The following TRPM5 variants were observed in gnomAD, a reference collection of about 807,000 sequenced individuals.
TRPM5 encodes MLSN1 and TRP-related.
TRPM5 carries 121 observed loss-of-function variants against 124.9 expected under a neutral mutation model. That is an observed-to-expected ratio of 0.97 (90% CI 0.84 to 1.13). TRPM5 has a LOEUF of 1.13. Ranked by LOEUF, TRPM5 falls within the 50% of genes most tolerant of loss-of-function variation. TRPM5 has a pLI of 0.00. For synonymous variants in TRPM5, 781 were observed against 700.5 expected (o/e 1.11, Z -1.81); for missense variants, 1,643 against 1,589.1 (o/e 1.03, Z -0.58).
At chr11:2,432,869 C>T in the TRPM5 span, among the ~76,000 whole-genome samples, 1 of 152,192 alleles carries the variant, frequency 6.6e-6, no homozygotes, top group Non-Finnish European at 1.5e-5. Flanking sequence ...ATGGTGGGGG[C>T]GTCAGGTCTG....
exon 6 of TRPM5, chr11:2,418,174 G>C (rs1798962058): frequency 6.4e-7 from 1 of 1,569,858 alleles, no homozygotes; most frequent in Non-Finnish European, 8.7e-7. Flanking sequence ...TACCAGCTTG[G>C]TCCAGCGCAC....
At chr11:2,412,363 G>T in intron 15 of TRPM5, 110 bp from the exon 21 acceptor site, 2 of 853,886 alleles carry the variant, frequency 2.3e-6, no homozygotes, top group Non-Finnish European at 3.8e-6. Flanking sequence ...TCTATGACCA[G>T]GGCCGAGGCT....
chr11:2,426,301 C>T (rs557326440), upstream of TRPM5, among the ~76,000 whole-genome samples: 6 of 152,292 alleles, frequency 3.9e-5, no homozygotes, highest in African/African-American at 7.2e-5. Context: ...CGGTGCCCCC[C>T]GCCCCCGCCG....
the TRPM5 span, among the ~76,000 whole-genome samples, chr11:2,444,053 T>G: frequency 6.6e-6 from 1 of 151,994 alleles, no homozygotes; most frequent in South Asian, 2.1e-4. Flanking sequence ...CAGCCCCGCC[T>G]GCTATGCCCG....
the TRPM5 span, among the ~76,000 whole-genome samples, chr11:2,428,775 G>T: frequency 6.6e-6 from 1 of 151,176 alleles, no homozygotes; most frequent in Non-Finnish European, 1.5e-5. The surrounding 1 kb of genome is among the most constrained non-coding windows in gnomAD (Gnocchi z 4.0). Context: ...TGATGATGAT[G>T]GTGGTGGGTG....
At chr11:2,405,989 T>C (rs1257301060) in intron 22 of TRPM5, 30 bp downstream of exon 27, 16 of 1,589,816 alleles carry the variant, frequency 1.0e-5, no homozygotes, top group Middle Eastern at 1.7e-4. Flanking sequence ...CCGCCTCCCA[T>C]CAGGGAGAGG....
chr11:2,407,405 A>C (rs1850346276), intron 19 of TRPM5, 105 bp from the exon 25 acceptor site: 5 of 1,152,564 alleles, frequency 4.3e-6, no homozygotes, highest in South Asian at 1.4e-5. Flanking sequence ...TTTGAAACTG[A>C]GGCCCAGCAC....
In TRPM5 at chr11:2,413,032, G is replaced by T. The variant is rs773688302; in HGVS notation, c.2097-20C>A. 6.9e-6 allele frequency: 11 copies of T among 1,591,084 alleles called. No individual in the cohort carries two copies. Among genetic ancestry groups the T allele is most frequent in the Non-Finnish European group, 9.4e-6 (11 of 1,169,684 alleles). ...TCCACCCTGTGCCGCAGAGAAGTTC[G>T]CAGTGGTGAGGCTGGCGCCCAGCCG... On this transcript the variant is annotated intron_variant, in intron 14 of 23. Coordinates refer to ENST00000155858, the Ensembl canonical transcript of TRPM5.
chr11:2,442,460 T>C, the TRPM5 span, among the ~76,000 whole-genome samples: 195 of 152,144 alleles, frequency 1.3e-3, 1 homozygote, highest in African/African-American at 4.6e-3. This position sits in a 1 kb window ranked among gnomAD's most constrained non-coding sequence, Gnocchi z 5.9. Flanking sequence ...TTAGTGATCA[T>C]ATTGATCATG....
chr11:2,414,617 G>GT (rs1850526102), intron 11 of TRPM5, 98 bp downstream of exon 16: 1 of 1,419,468 alleles, frequency 7.0e-7, no homozygotes, highest in East Asian at 2.5e-5. Flanking sequence ...CCCCACGGCG[G>GT]TAACAGGCAG....
intron 3 of TRPM5, 51 bp from the exon 9 acceptor site, chr11:2,420,456 T>TG (rs397719509): frequency 0.69 from 1,063,236 of 1,541,778 alleles, 368,897 homozygotes; most frequent in East Asian, 0.84. Context: ...CAGCTTGGGC[T>TG]GGTCCCGCTG....
At chr11:2,425,746 G>T (rs545409902), upstream of TRPM5, among the ~76,000 whole-genome samples, 1 of 151,740 alleles carries the variant, frequency 6.6e-6, no homozygotes, top group South Asian at 2.1e-4. Context: ...CTGCAGCTGG[G>T]GATGCATGGC....
At chr11:2,405,948 TG>T in intron 22 of TRPM5, 70 bp downstream of exon 27, 1 of 1,372,492 alleles carries the variant, frequency 7.3e-7, no homozygotes, top group Non-Finnish European at 1.0e-6. Flanking sequence ...GGCAGGGCTG[TG>T]GACCCATCCC....
intron 20 of TRPM5, 37 bp downstream of exon 25, chr11:2,407,082 G>T (rs769502560): frequency 9.8e-7 from 1 of 1,018,990 alleles, no homozygotes. Flanking sequence ...CGCCACCTCG[G>T]CCTCACCCAG....
rs940193662 is a variant in TRPM5, at chr11:2,420,138, C to T, written c.649+84G>A. 60 of 1,461,980 alleles carry T rather than the reference C, an allele frequency of 4.1e-5. No homozygotes were observed. In the Middle Eastern group the frequency reaches 1.0e-3, roughly 24 times the overall value. 90.6% of individuals were successfully genotyped at this position (1,461,980 alleles called of 1,614,324 possible). ...GGGAAGCCCTCCCCCTTCTCCCTGG[C>T]GGTCACCCCCACTCTCCCACAGGCG... On this transcript the variant is annotated intron_variant, in intron 4 of 23. Coordinates refer to ENST00000155858, the Ensembl canonical transcript of TRPM5.
intron 3 of TRPM5, 26 bp downstream of exon 8, chr11:2,421,006 C>A: frequency 6.6e-7 from 1 of 1,520,730 alleles, no homozygotes; most frequent in South Asian, 1.2e-5. Flanking sequence ...CCCCAGCGGT[C>A]GTGGTGCTGG....
At chr11:2,438,344 G>A in the TRPM5 span, among the ~76,000 whole-genome samples, 1 of 152,184 alleles carries the variant, frequency 6.6e-6, no homozygotes, top group Non-Finnish European at 1.5e-5. This position sits in a 1 kb window ranked among gnomAD's most constrained non-coding sequence, Gnocchi z 5.9. Flanking sequence ...CCCAGGAGAT[G>A]ACGCATCTCC....
At chr11:2,425,337 C>T (rs1486917458), upstream of TRPM5, among the ~76,000 whole-genome samples, 1 of 152,174 alleles carries the variant, frequency 6.6e-6, no homozygotes, top group Non-Finnish European at 1.5e-5. Flanking sequence ...GTTCCTGAGG[C>T]GCCAGGTGTT....
exon 21 of TRPM5, chr11:2,406,703 C>G (rs773139950): frequency 1.2e-6 from 2 of 1,613,464 alleles, no homozygotes; most frequent in Non-Finnish European, 1.7e-6. Context: ...GCTGTCCCTC[C>G]TCCGCTTCTC....
Sources: gnomAD v4.1 joint callset for allele counts (sites outside exome capture counted in the v4.1 genomes callset) on GRCh38, gnomAD v4.1.1 for gene constraint, Gnocchi (gnomAD v3.1) non-coding constraint, MANE v1.5 for transcripts, NCBI Gene and HGNC (gene_info 2026-07-23, HGNC 2026-07-21) for gene names.